Variants in BCAS3 observed in about 807,000 individuals in gnomAD.
The protein encoded by BCAS3 is BCAS3 microtubule associated cell migration factor, also known as BCAS4/BCAS3 fusion.
A neutral mutation model predicts 116.1 loss-of-function variants in BCAS3; 53 were observed. The observed-to-expected ratio is 0.46, with a 90% confidence interval of 0.37 to 0.57. The LOEUF is 0.57. Ranked by LOEUF, BCAS3 falls within the 20% of genes least tolerant of loss-of-function variation. The probability of loss-of-function intolerance (pLI) is 0.00; values close to 1 mark genes in which losing one functional copy is unlikely to be tolerated. For synonymous variants in BCAS3, 391 were observed against 408.2 expected, an observed-to-expected ratio of 0.96 and a Z score of 0.51; for missense variants, 917 against 1,165.4, an observed-to-expected ratio of 0.79 and a Z score of 3.10.
chr17:61,047,824 T>C (rs1884493884), intron 19 of BCAS3, among the ~76,000 whole-genome samples: 2 of 152,024 alleles, frequency 1.3e-5, no homozygotes, highest in South Asian at 4.2e-4. Flanking sequence ...GGAAAAATAA[T>C]GTTTCCTCCT....
rs903449849 is a variant in BCAS3 at position 61,134,905 on chromosome 17, G to T, written c.2425+50341G>T. Reference sequence around the variant, plus strand: ...TTAGATTGTTGTTTTGTTTTTTTTTGAAATAAAACATTTGTACAAGTCAGT... The same window carrying T: ...TTAGATTGTTGTTTTGTTTTTTTTTTAAATAAAACATTTGTACAAGTCAGT... On this transcript the variant is annotated intron_variant, in intron 22 of 23. Coordinates refer to ENST00000407086, the MANE Select transcript of BCAS3 (RefSeq NM_017679.5). The surrounding 1 kb of genome is among the most constrained non-coding windows in gnomAD (Gnocchi z 4.6). Among the ~76,000 whole-genome samples, 1 of 150,496 alleles carries T rather than the reference G, an allele frequency of 6.6e-6. No individual in the cohort carries two copies. The highest frequency in any genetic ancestry group is 1.5e-5 in the Non-Finnish European group (1 of 67,636).
chr17:61,338,369 T>C (rs2056882363), intron 22 of BCAS3, among the ~76,000 whole-genome samples: 1 of 152,204 alleles, frequency 6.6e-6, no homozygotes, highest in African/African-American at 2.4e-5. Context: ...TGCCAAATGG[T>C]GTTCTGAACT....
intron 22 of BCAS3, among the ~76,000 whole-genome samples, chr17:61,154,103 C>T (rs879711493): frequency 2.0e-5 from 3 of 152,152 alleles, no homozygotes; most frequent in Non-Finnish European, 2.9e-5. Flanking sequence ...TCCTGAAGGA[C>T]CTTTCCTTTA....
At chr17:60,920,784 C>T (rs1043198492) in intron 12 of BCAS3, among the ~76,000 whole-genome samples, 2 of 151,872 alleles carry the variant, frequency 1.3e-5, no homozygotes, top group South Asian at 2.1e-4. Flanking sequence ...GCAGGAGAAT[C>T]GCTTGAACCC....
chr17:61,247,010 C>G (rs1000343725), intron 22 of BCAS3, among the ~76,000 whole-genome samples: 6 of 152,112 alleles, frequency 3.9e-5, no homozygotes, highest in African/African-American at 1.4e-4. Flanking sequence ...TTATCATTTT[C>G]CAGTGGCTCA....
Position 60,962,644 on chromosome 17 carries a change from C to A in BCAS3, c.1221+15292C>A, listed in dbSNP as rs1454338767. Among the ~76,000 whole-genome samples, 1 of 151,944 alleles carries A rather than the reference C, an allele frequency of 6.6e-6. No individual in the cohort carries two copies. Among genetic ancestry groups the A allele is most frequent in the Non-Finnish European group, 1.5e-5 (1 of 67,978 alleles). Reference sequence around the variant, plus strand: ...TCTTTATATATTATAGTTATAAATTCTTTGTCAGATGGATAGTTTGCAAAT... The same window carrying A: ...TCTTTATATATTATAGTTATAAATTATTTGTCAGATGGATAGTTTGCAAAT... On this transcript the variant is annotated intron_variant, in intron 14 of 23. Transcript: ENST00000407086. The surrounding 1 kb of genome is among the most constrained non-coding windows in gnomAD (Gnocchi z 4.4).
intron 22 of BCAS3, among the ~76,000 whole-genome samples, chr17:61,207,141 TG>T (rs1359287065): frequency 1.3e-5 from 2 of 152,188 alleles, no homozygotes; most frequent in Non-Finnish European, 2.9e-5. Flanking sequence ...ATAGCAGAGA[TG>T]TTTTTCAAAC....
chr17:60,974,690 A>G (rs977657689), intron 14 of BCAS3, among the ~76,000 whole-genome samples: 3 of 152,222 alleles, frequency 2.0e-5, no homozygotes, highest in Admixed American at 2.0e-4. Flanking sequence ...AATACAGGAA[A>G]CATTTAATGA....
chr17:61,044,529 T>C (rs555408216), intron 19 of BCAS3, among the ~76,000 whole-genome samples: 33 of 150,916 alleles, frequency 2.2e-4, no homozygotes, highest in African/African-American at 7.4e-4. Flanking sequence ...AAAATGGGTT[T>C]TGTAATACTT....
chr17:61,368,185 CAGTCTGT>C lies in BCAS3; in HGVS notation c.2426-141_2426-135del. 6.1e-6 allele frequency: 5 copies of C among 816,886 alleles called. No individual in the cohort carries two copies. Among genetic ancestry groups the C allele is most frequent in the Non-Finnish European group, 7.6e-6 (4 of 529,516 alleles). 50.6% of individuals were successfully genotyped at this position (816,886 alleles called of 1,614,324 possible). On this transcript the variant is annotated intron_variant, in intron 22 of 23. Coordinates refer to ENST00000407086, the MANE Select transcript of BCAS3 (RefSeq NM_017679.5). The surrounding 1 kb of genome is among the most constrained non-coding windows in gnomAD (Gnocchi z 6.0). ...CATGAGCTATTTCTCCTGCGCTACCCAGTCTGTTGGCGGCGTGCTTCCATCCTACAGG... is the reference window on the plus strand; with the variant it reads ...CATGAGCTATTTCTCCTGCGCTACCCTGGCGGCGTGCTTCCATCCTACAGG...
chr17:60,735,815 G>A (rs1302040124), intron 5 of BCAS3, among the ~76,000 whole-genome samples: 1 of 151,342 alleles, frequency 6.6e-6, no homozygotes, highest in East Asian at 1.9e-4. Flanking sequence ...AGTTTCTGAG[G>A]AGTTTTTTTC....
chr17:61,074,060 G>T (rs913088637), intron 19 of BCAS3, among the ~76,000 whole-genome samples: 1 of 144,114 alleles, frequency 6.9e-6, no homozygotes, highest in Non-Finnish European at 1.5e-5. Flanking sequence ...AGTGAGCTAT[G>T]ATCATGCCAC....
chr17:60,810,136 C>T (rs1196629998), intron 7 of BCAS3: 4 of 377,422 alleles, frequency 1.1e-5, no homozygotes, highest in Admixed American at 9.2e-5. Flanking sequence ...AGCCTGAGTC[C>T]TGTCCTCTCA....
chr17:61,112,865 A>AACAGAGATT lies in BCAS3; in HGVS notation c.2425+28303_2425+28311dup, dbSNP rs1601337910. Among the ~76,000 whole-genome samples, 7 of 151,866 alleles carry AACAGAGATT rather than the reference A, an allele frequency of 4.6e-5. No individual in the cohort carries two copies. In the East Asian group the frequency reaches 1.4e-3, roughly 29 times the overall value. On this transcript the variant is annotated intron_variant, in intron 22 of 23. Transcript: ENST00000407086. ...AAGCTCTCCTCAGCAAATGTAAAAG[A>AACAGAGATT]ACAGAGATTATAGCAAACTATCTCT...
chr17:61,386,037 G>C (rs910603106), intron 23 of BCAS3, among the ~76,000 whole-genome samples: 35 of 152,200 alleles, frequency 2.3e-4, no homozygotes, highest in Admixed American at 2.2e-3. Flanking sequence ...TGACTAATCC[G>C]ATTGCAGCAA....
intron 7 of BCAS3, among the ~76,000 whole-genome samples, chr17:60,819,577 C>A (rs1394432998): frequency 6.6e-6 from 1 of 152,184 alleles, no homozygotes; most frequent in African/African-American, 2.4e-5. Flanking sequence ...GCTTTACTTG[C>A]TGTTTGATAT....
intron 22 of BCAS3, among the ~76,000 whole-genome samples, chr17:61,119,409 A>G (rs533624521): frequency 6.6e-6 from 1 of 152,292 alleles, no homozygotes; most frequent in South Asian, 2.1e-4. Context: ...AATGTATAGT[A>G]TTTGTTGGTC....
intron 6 of BCAS3, among the ~76,000 whole-genome samples, chr17:60,794,284 G>A (rs961375246): frequency 5.9e-5 from 9 of 151,968 alleles, no homozygotes; most frequent in Admixed American, 2.6e-4. Flanking sequence ...GTTTGAGTTC[G>A]TTGTAGATTC....
At chr17:61,038,378 G>A (rs559137367) in intron 18 of BCAS3, among the ~76,000 whole-genome samples, 89 of 148,800 alleles carry the variant, frequency 6.0e-4, no homozygotes, top group Non-Finnish European at 9.2e-4. Context: ...TCAGCCACTT[G>A]AGTAGCTGGG....
Sources: gnomAD v4.1 joint callset for allele counts (sites outside exome capture counted in the v4.1 genomes callset) on GRCh38, gnomAD v4.1.1 for gene constraint, Gnocchi (gnomAD v3.1) non-coding constraint, MANE v1.5 for transcripts, NCBI Gene and HGNC (gene_info 2026-07-23, HGNC 2026-07-21) for gene names.